Variants in NXPH1 observed in about 807,000 individuals in gnomAD.
NXPH1 encodes neurexophilin 1.
A neutral mutation model predicts 23.7 loss-of-function variants in NXPH1; 5 were observed. The observed-to-expected ratio is 0.21, with a 90% confidence interval of 0.11 to 0.44. The LOEUF (loss-of-function observed/expected upper bound fraction) is 0.44, where lower values mean the gene tolerates loss of function less well. Among genes scored for constraint, NXPH1 ranks in the 20% least tolerant of loss-of-function variants. The pLI is 0.99. For synonymous variants in NXPH1, 144 were observed against 122.2 expected, an observed-to-expected ratio of 1.18 and a Z score of -1.18; for missense variants, 324 against 321.6, an observed-to-expected ratio of 1.01 and a Z score of -0.06.
At chr7:8,745,534 G>A (rs1191142470) in intron 2 of NXPH1, among the ~76,000 whole-genome samples, 3 of 151,778 alleles carry the variant, frequency 2.0e-5, no homozygotes, top group Non-Finnish European at 4.4e-5. Context: ...CATTTGACAC[G>A]TCCTTTCTCT....
intron 2 of NXPH1, among the ~76,000 whole-genome samples, chr7:8,589,521 G>A (rs1819047800): frequency 6.6e-6 from 1 of 152,062 alleles, no homozygotes; most frequent in South Asian, 2.1e-4. Context: ...GTATGTACCA[G>A]AGAGGGTATT....
intron 2 of NXPH1, among the ~76,000 whole-genome samples, chr7:8,614,534 C>T (rs1285592266): frequency 4.0e-5 from 6 of 151,694 alleles, no homozygotes; most frequent in Non-Finnish European, 8.8e-5. Flanking sequence ...TAGAAATAGA[C>T]ATACATGTGC....
At chr7:8,550,881 A>G (rs1584226881) in intron 2 of NXPH1, among the ~76,000 whole-genome samples, 2 of 151,522 alleles carry the variant, frequency 1.3e-5, no homozygotes, top group African/African-American at 2.4e-5. Flanking sequence ...TTTATTCTAC[A>G]TGCTCCTGTT....
intron 2 of NXPH1, among the ~76,000 whole-genome samples, chr7:8,504,125 A>G (rs1470251515): frequency 2.6e-5 from 4 of 152,010 alleles, no homozygotes; most frequent in African/African-American, 9.7e-5. Context: ...AATGTCACCC[A>G]TCTTAGATGT....
At chr7:8,731,425 T>C (rs576596751) in intron 2 of NXPH1, among the ~76,000 whole-genome samples, 35 of 152,344 alleles carry the variant, frequency 2.3e-4, no homozygotes, top group African/African-American at 7.9e-4. Context: ...CTCTGCTTTT[T>C]AGAGTTTCCA....
chr7:8,724,230 C>A (rs562845024), intron 2 of NXPH1, among the ~76,000 whole-genome samples: 1 of 152,260 alleles, frequency 6.6e-6, no homozygotes, highest in East Asian at 1.9e-4. Flanking sequence ...GACCTGGGAC[C>A]CTTAGTGACA....
intron 2 of NXPH1, among the ~76,000 whole-genome samples, chr7:8,513,196 G>C (rs941818171): frequency 1.3e-5 from 2 of 152,042 alleles, no homozygotes; most frequent in African/African-American, 4.8e-5. Context: ...ACATGGAATA[G>C]GAATTTTACA....
intron 2 of NXPH1, among the ~76,000 whole-genome samples, chr7:8,529,934 T>A (rs1817924354): frequency 6.6e-6 from 1 of 152,212 alleles, no homozygotes; most frequent in South Asian, 2.1e-4. Context: ...AAATGAAGAT[T>A]ATGTTAATTA....
chr7:8,464,623 T>C (rs1294684942), intron 2 of NXPH1, among the ~76,000 whole-genome samples: 1 of 152,232 alleles, frequency 6.6e-6, no homozygotes, highest in African/African-American at 2.4e-5. Flanking sequence ...TTCTGTTTAG[T>C]TCTGTTAAGG....
chr7:8,484,055 C>A (rs1020088706), intron 2 of NXPH1, among the ~76,000 whole-genome samples: 1 of 150,198 alleles, frequency 6.7e-6, no homozygotes, highest in Non-Finnish European at 1.5e-5. Context: ...CTTCAGTAAG[C>A]CTTGAATCTT....
chr7:8,530,238 C>T (rs886272349), intron 2 of NXPH1, among the ~76,000 whole-genome samples: 27 of 152,130 alleles, frequency 1.8e-4, no homozygotes, highest in African/African-American at 6.0e-4. Context: ...ACAAACTGCC[C>T]TCAAATATGT....
At chr7:8,616,138 C>G (rs1819731714) in intron 2 of NXPH1, among the ~76,000 whole-genome samples, 1 of 151,286 alleles carries the variant, frequency 6.6e-6, no homozygotes, top group Admixed American at 6.6e-5. Context: ...TGTGATTGGT[C>G]TCCTGCTACC....
Position 8,529,792 on chromosome 7 carries a change from T to A in NXPH1, c.54+94025T>A, listed in dbSNP as rs143635145. Among the ~76,000 whole-genome samples the A allele has an allele frequency of 8.0e-4, 122 of 152,248 alleles. 4 individuals carry two copies. In the East Asian group the frequency reaches 0.019, roughly 24 times the overall value. ...TGTAATTTTTATTATTACCTCCTTT[T>A]CTTCCTGAATTAAAAAAAATGGTCC... On this transcript the variant is annotated intron_variant, in intron 2 of 2. Transcript: ENST00000405863.
At chr7:8,516,578 A>G (rs1246684416) in intron 2 of NXPH1, among the ~76,000 whole-genome samples, 1 of 152,126 alleles carries the variant, frequency 6.6e-6, no homozygotes, top group Non-Finnish European at 1.5e-5. Flanking sequence ...GTTGATCAAT[A>G]AAAGTGATGG....
intron 2 of NXPH1, among the ~76,000 whole-genome samples, chr7:8,674,887 C>T (rs10240353): frequency 0.076 from 11,553 of 152,116 alleles, 716 homozygotes; most frequent in East Asian, 0.24. Context: ...GACCTAGAAA[C>T]CGAGGCCAGT....
intron 2 of NXPH1, among the ~76,000 whole-genome samples, chr7:8,720,223 T>G (rs1779949414): frequency 6.6e-6 from 1 of 152,200 alleles, no homozygotes; most frequent in Non-Finnish European, 1.5e-5. Context: ...TAGCAATAGG[T>G]AGTACAACCA....
At chr7:8,471,871 A>G (rs1375294174) in intron 2 of NXPH1, among the ~76,000 whole-genome samples, 1 of 152,136 alleles carries the variant, frequency 6.6e-6, no homozygotes, top group African/African-American at 2.4e-5. Context: ...AACAGTAGGT[A>G]GAGTATAATC....
At chr7:8,694,074 A>G (rs923216730) in intron 2 of NXPH1, among the ~76,000 whole-genome samples, 7 of 152,224 alleles carry the variant, frequency 4.6e-5, no homozygotes, top group African/African-American at 1.7e-4. Flanking sequence ...TGAATATGCA[A>G]TGAACGAATC....
intron 2 of NXPH1, among the ~76,000 whole-genome samples, chr7:8,550,921 A>G (rs1456462319): frequency 1.3e-5 from 2 of 151,518 alleles, no homozygotes; most frequent in Non-Finnish European, 3.0e-5. Flanking sequence ...AGATGTTTTC[A>G]ATTTTGAACA....
Sources: gnomAD v4.1 joint callset for allele counts (sites outside exome capture counted in the v4.1 genomes callset) on GRCh38, gnomAD v4.1.1 for gene constraint, MANE v1.5 for transcripts, NCBI Gene and HGNC (gene_info 2026-07-23, HGNC 2026-07-21) for gene names.